Variants in APBB2 observed in about 807,000 individuals in gnomAD.
APBB2 encodes amyloid beta precursor protein binding family B member 2.
In APBB2, 38 loss-of-function variants were observed where a neutral mutation model predicts 82.5. The ratio of observed to expected loss-of-function variants is 0.46; its 90% confidence interval spans 0.36 to 0.60. APBB2 has a LOEUF of 0.60. Among genes scored for constraint, APBB2 ranks in the 20% least tolerant of loss-of-function variants. The pLI is 0.00. For missense variants in APBB2, 772 were observed against 972.3 expected (o/e 0.79, Z 2.74); for synonymous variants, 341 against 368.2 (o/e 0.93, Z 0.85).
At chr4:41,187,132 C>T (rs1351974311) in intron 1 of APBB2, among the ~76,000 whole-genome samples, 1 of 152,160 alleles carries the variant, frequency 6.6e-6, no homozygotes, top group East Asian at 1.9e-4. Context: ...TCTGTAAGAA[C>T]TGTTTTCCTA....
chr4:41,099,404 T>G (rs764951234), intron 3 of APBB2, among the ~76,000 whole-genome samples: 9 of 152,166 alleles, frequency 5.9e-5, no homozygotes, highest in Admixed American at 3.3e-4. Context: ...AATTTTTTTG[T>G]ATTTTTAGCA....
At chr4:41,010,127 T>A (rs1188157988) in intron 6 of APBB2, among the ~76,000 whole-genome samples, 1 of 152,144 alleles carries the variant, frequency 6.6e-6, no homozygotes, top group Non-Finnish European at 1.5e-5. Context: ...CCCAAAATTA[T>A]GACTATTAAT....
chr4:40,985,913 G>A (rs1450015889), intron 6 of APBB2, among the ~76,000 whole-genome samples: 1 of 152,160 alleles, frequency 6.6e-6, no homozygotes, highest in Non-Finnish European at 1.5e-5. Context: ...TAAGCTTGCT[G>A]ATCCAAATTA....
intron 7 of APBB2, 24 bp from the exon 8 acceptor site, chr4:40,935,163 G>T (rs1003876726): frequency 7.0e-6 from 10 of 1,433,688 alleles, no homozygotes; most frequent in African/African-American, 1.5e-5. Context: ...TATTCACATA[G>T]GAAAAAAGCA....
intron 6 of APBB2, among the ~76,000 whole-genome samples, chr4:41,009,203 G>C (rs1033825311): frequency 6.8e-6 from 1 of 146,242 alleles, no homozygotes; most frequent in Admixed American, 6.6e-5. Context: ...CTTACTACCT[G>C]GGGCCACTGA....
chr4:41,129,053 A>T (rs1163172625), intron 2 of APBB2, among the ~76,000 whole-genome samples: 1 of 151,884 alleles, frequency 6.6e-6, no homozygotes, highest in African/African-American at 2.4e-5. Flanking sequence ...ATCCTACCCC[A>T]GTGTCCCTCC....
intron 4 of APBB2, among the ~76,000 whole-genome samples, chr4:41,060,342 C>G (rs1008754850): frequency 6.6e-6 from 1 of 152,150 alleles, no homozygotes; most frequent in Non-Finnish European, 1.5e-5. Flanking sequence ...AAGAATTTCT[C>G]CCCTTATCAA....
intron 16 of APBB2, 44 bp downstream of exon 16, chr4:40,823,600 T>G: frequency 7.5e-7 from 1 of 1,329,392 alleles, no homozygotes; most frequent in Non-Finnish European, 1.1e-6. Context: ...TATCTTATAC[T>G]CACTGTATAA....
intron 6 of APBB2, among the ~76,000 whole-genome samples, chr4:40,972,011 C>A (rs4861346): frequency 0.85 from 129,938 of 152,072 alleles, 56,810 homozygotes; most frequent in East Asian, 0.96. Flanking sequence ...CAATCTCTAA[C>A]ATCGAACAAA....
chr4:41,076,159 A>G (rs1735569351), intron 3 of APBB2, among the ~76,000 whole-genome samples: 2 of 152,232 alleles, frequency 1.3e-5, no homozygotes, highest in South Asian at 2.1e-4. Flanking sequence ...AGGGGCAGAC[A>G]AAACATAAAC....
rs1463134585 is a variant in APBB2 at position 41,102,205 on chromosome 4, TAGAA to T, written c.-260-1459_-260-1456del. On this transcript the variant is annotated intron_variant, in intron 2 of 17. Transcript: ENST00000508593. ...AGCCACAGGAGACTGCAAAATCAAT[TAGAA>T]AGAGGGCACAGCTACAGCAAGTAGT... is the stretch of plus-strand genomic sequence containing the variant. Among the ~76,000 whole-genome samples the T allele has an allele frequency of 4.6e-5, 7 of 152,036 alleles. 1 individual carries two copies. The South Asian group carries it at 8.3e-4, about 18-fold the overall frequency.
At chr4:41,048,564 A>G (rs1724280073) in intron 4 of APBB2, among the ~76,000 whole-genome samples, 1 of 152,148 alleles carries the variant, frequency 6.6e-6, no homozygotes, top group East Asian at 1.9e-4. Flanking sequence ...CAGGTGGTGA[A>G]GCTATTTTGT....
chr4:40,946,660 A>G (rs1294221548), intron 6 of APBB2, among the ~76,000 whole-genome samples: 1 of 152,170 alleles, frequency 6.6e-6, no homozygotes, highest in African/African-American at 2.4e-5. Context: ...TAAGGGAATC[A>G]CAGGCAGCTG....
intron 6 of APBB2, among the ~76,000 whole-genome samples, chr4:40,949,903 G>A (rs1203229296): frequency 1.3e-5 from 2 of 152,144 alleles, no homozygotes; most frequent in African/African-American, 4.8e-5. Context: ...CCTCCGCCCT[G>A]GAGAATGTTT....
intron 3 of APBB2, among the ~76,000 whole-genome samples, chr4:41,074,605 A>ATTTTT (rs1457334793): frequency 1.9e-5 from 2 of 107,418 alleles, no homozygotes; most frequent in Non-Finnish European, 2.0e-5. Flanking sequence ...TATTATTATT[A>ATTTTT]TTATTTTTTT....
At position 41,050,410 on chromosome 4, in the gene APBB2, A is replaced by G. The variant is rs563051245; in HGVS notation, c.-51+15166T>C. On this transcript the variant is annotated intron_variant, in intron 4 of 17. Coordinates refer to ENST00000508593, the MANE Select transcript of APBB2 (RefSeq NM_004307.2). ...ACAGATGAGAGATTAGGGAACTGGCACACGCATGGACATTCTGCTGGTGAC... is the reference window on the plus strand; with the variant it reads ...ACAGATGAGAGATTAGGGAACTGGCGCACGCATGGACATTCTGCTGGTGAC... Among the ~76,000 whole-genome samples, 4 of 152,384 alleles carry G rather than the reference A, an allele frequency of 2.6e-5. No homozygotes were observed. The South Asian group carries it at 8.3e-4, about 32-fold the overall frequency.
chr4:40,915,189 C>G (rs1023690735), intron 10 of APBB2, among the ~76,000 whole-genome samples: 4 of 152,218 alleles, frequency 2.6e-5, no homozygotes, highest in Non-Finnish European at 5.9e-5. Context: ...GGGCTCCCCC[C>G]ACCCTCCCAA....
chr4:41,135,141 G>C (rs1393517216), intron 2 of APBB2, among the ~76,000 whole-genome samples: 1 of 127,914 alleles, frequency 7.8e-6, no homozygotes, highest in Admixed American at 8.7e-5. Context: ...AAAAGCCACA[G>C]CAGTAACAAA....
chr4:40,952,299 C>T (rs1790416179), intron 6 of APBB2, among the ~76,000 whole-genome samples: 4 of 152,012 alleles, frequency 2.6e-5, no homozygotes, highest in Admixed American at 1.3e-4. Context: ...TGAGGAGGTC[C>T]GGCAAGTCCA....
Sources: gnomAD v4.1 joint callset for allele counts (sites outside exome capture counted in the v4.1 genomes callset) on GRCh38, gnomAD v4.1.1 for gene constraint, MANE v1.5 for transcripts, NCBI Gene and HGNC (gene_info 2026-07-23, HGNC 2026-07-21) for gene names.